GK5: variants seen among roughly 807,000 people sequenced by gnomAD.
The protein encoded by GK5 is glycerol kinase 5.
In GK5, 39 loss-of-function variants were observed where a neutral mutation model predicts 77.3. That is an observed-to-expected ratio of 0.50 (90% CI 0.39 to 0.66). The LOEUF is 0.66. Among genes scored for constraint, GK5 ranks in the 30% least tolerant of loss-of-function variants. GK5 has a pLI of 0.00. For missense variants in GK5, 487 were observed against 633.8 expected (o/e 0.77, Z 2.49); for synonymous variants, 211 against 208.0 (o/e 1.01, Z -0.13).
In GK5 at chr3:142,187,555, T is replaced by C. The variant is rs148883762; in HGVS notation, c.619+149A>G. On this transcript the variant is annotated intron_variant, in intron 6 of 15. Transcript: ENST00000392993. ...AGGAAGCTGAGGCTGCAGTGAGCCA[T>C]GATTACACCATTGCACTCCCGCCTG... 5.1e-5 allele frequency: 32 copies of C among 630,264 alleles called. No homozygotes were observed. The East Asian group carries it at 5.4e-4, about 11-fold the overall frequency. The allele number at this position is 630,264 out of a possible 1,614,324, so 39.0% of individuals were successfully genotyped here. A position where few individuals can be genotyped will look rare whatever the true frequency, so the allele number is the denominator to read the frequency against.
At position 142,215,670 on chromosome 3, in the gene GK5, A is replaced by G. The variant is rs1019668862; in HGVS notation, c.170T>C (p.Ile57Thr). The G allele has an allele frequency of 1.3e-6, 2 of 1,587,206 alleles. No homozygotes were observed. The highest frequency in any genetic ancestry group is 1.3e-5 in the African/African-American group (1 of 74,286). The change falls in exon 2 of 16, where the codon ATT (isoleucine) becomes ACT (threonine). Residue 57 changes from isoleucine to threonine, a missense_variant. Physicochemically the swap from Ile to Thr is moderately conservative, Grantham distance 89 (BLOSUM62 -1). Coordinates refer to ENST00000392993, the MANE Select transcript of GK5 (RefSeq NM_001039547.3). ...VQKVENLYPQIGWVEIDPDVL... is the reference protein window; with the variant it reads ...VQKVENLYPQTGWVEIDPDVL... ...ATCAGGATCAATTTCTACCCAGCCA[A>G]TTTGAGGATAAAGATTTTCTACCTA...
chr3:142,200,276 C>G lies in GK5; in HGVS notation c.412-1343G>C, dbSNP rs1156305489. 2.0e-5 allele frequency among the ~76,000 whole-genome samples: 3 copies of G among 152,144 alleles called. No homozygotes were observed. The East Asian group carries it at 5.8e-4, about 29-fold the overall frequency. On this transcript the variant is annotated intron_variant, in intron 4 of 15. Coordinates refer to ENST00000392993, the MANE Select transcript of GK5 (RefSeq NM_001039547.3). ...CTCTGCCTCCCAGGTTCAAGCAATT[C>G]TCCTCCCTTAGCCTCCAAGTAGCTG...
In GK5 at chr3:142,212,292, G is replaced by T. The variant is rs1560235615; in HGVS notation, c.317+1234C>A. ...ACAGAGAAACACATGCTAGCTGGGG[G>T]AGGTGGCTGAGGTGGAAGAATTGCT... On this transcript the variant is annotated intron_variant, in intron 3 of 15. Coordinates refer to ENST00000392993, the MANE Select transcript of GK5 (RefSeq NM_001039547.3). Among the ~76,000 whole-genome samples, 3 of 152,152 alleles carry T rather than the reference G, an allele frequency of 2.0e-5. No individual in the cohort carries two copies. In the South Asian group the frequency reaches 6.2e-4, roughly 32 times the overall value.
intron 11 of GK5, among the ~76,000 whole-genome samples, chr3:142,179,895 C>T (rs2063669704): frequency 6.6e-6 from 1 of 152,114 alleles, no homozygotes; most frequent in South Asian, 2.1e-4. Context: ...TATTCCTGGC[C>T]TAGACTCAGA....
intron 5 of GK5, among the ~76,000 whole-genome samples, chr3:142,188,721 G>A (rs1232349405): frequency 6.6e-6 from 1 of 152,214 alleles, no homozygotes; most frequent in Non-Finnish European, 1.5e-5. Context: ...GTGTCCATAA[G>A]TAAAGTCTTA....
chr3:142,188,266 T>TCA lies in GK5; in HGVS notation c.544-489_544-488dup, dbSNP rs555277621. 4.7e-3 allele frequency among the ~76,000 whole-genome samples: 716 copies of TCA among 152,136 alleles called. 2 individuals carry two copies. The highest frequency in any genetic ancestry group is 7.9e-3 in the Non-Finnish European group (537 of 67,996). Reference sequence around the variant, plus strand: ...GCAAAAAATGGCCAGGCACGGTGGCTCACACCTGTAATCCCAGCACTTTGG... The same window carrying TCA: ...GCAAAAAATGGCCAGGCACGGTGGCTCACACACCTGTAATCCCAGCACTTTGG... On this transcript the variant is annotated intron_variant, in intron 5 of 15. Transcript: ENST00000392993.
chr3:142,217,429 G>A (rs1012835253), intron 1 of GK5, among the ~76,000 whole-genome samples: 7 of 151,780 alleles, frequency 4.6e-5, no homozygotes, highest in Admixed American at 4.6e-4. Context: ...GGAGATAGAA[G>A]AAAATTAATA....
intron 4 of GK5, among the ~76,000 whole-genome samples, chr3:142,202,330 G>A (rs2064038098): frequency 6.6e-6 from 1 of 152,326 alleles, no homozygotes; most frequent in African/African-American, 2.4e-5. Context: ...GCAAGAGATT[G>A]CAAACACACC....
rs1385473541 is a variant in GK5 at position 142,197,933 on chromosome 3, G to C, written c.543+869C>G. On this transcript the variant is annotated intron_variant, in intron 5 of 15. Coordinates refer to ENST00000392993, the MANE Select transcript of GK5 (RefSeq NM_001039547.3). ...AGCTACTCAGGAGGCTGAGGCAGGA[G>C]AATCGCTTGAACCTGGGAGGCAGAG... Among the ~76,000 whole-genome samples, 4 of 151,670 alleles carry C rather than the reference G, an allele frequency of 2.6e-5. No individual in the cohort carries two copies. The East Asian group carries it at 7.8e-4, about 30-fold the overall frequency.
rs190931845 is a variant in GK5, at chr3:142,198,679, C to T, written c.543+123G>A. 24 of 825,134 alleles carry T rather than the reference C, an allele frequency of 2.9e-5. No homozygotes were observed. The East Asian group carries it at 6.6e-4, about 23-fold the overall frequency. The allele number at this position is 825,134 out of a possible 1,614,324, so 51.1% of individuals were successfully genotyped here. ...GTCTTCCATTCCAATATGTGGTAGA[C>T]ACTTAATTTTCCCTCAAATAATCAA... On this transcript the variant is annotated intron_variant, in intron 5 of 15. Transcript: ENST00000392993.
chr3:142,218,778 CAA>C (rs1056396533), intron 1 of GK5, among the ~76,000 whole-genome samples: 17 of 151,956 alleles, frequency 1.1e-4, no homozygotes, highest in Middle Eastern at 3.2e-3. Flanking sequence ...ATTTGTTCTG[CAA>C]AAGATACTGT....
intron 10 of GK5, among the ~76,000 whole-genome samples, 191 bp downstream of exon 10, chr3:142,182,732 A>G (rs543515510): frequency 2.0e-5 from 3 of 152,324 alleles, no homozygotes; most frequent in Middle Eastern, 3.4e-3. Context: ...ATTTTTCAAC[A>G]ATATCATTCT....
chr3:142,187,181 T>G (rs1394467217), intron 6 of GK5, among the ~76,000 whole-genome samples: 1 of 152,158 alleles, frequency 6.6e-6, no homozygotes, highest in Non-Finnish European at 1.5e-5. Context: ...ATATTGAAGT[T>G]TCATCACAAT....
At position 142,170,328 on chromosome 3, in the gene GK5, C is replaced by G. The variant is rs759519106; in HGVS notation, c.1438G>C (p.Val480Leu). 3.1e-6 allele frequency: 5 copies of G among 1,613,990 alleles called. No individual in the cohort carries two copies. The South Asian group carries it at 3.3e-5, about 11-fold the overall frequency. The change falls in exon 15 of 16, where the codon GTT becomes CTT. Residue 480 changes from valine (V) to leucine (L), a missense_variant. This residue lies in a region of GK5 where 65 missense variants were observed against 89.9 expected (regional missense o/e 0.72). Transcript: ENST00000392993. ...LGAASLAGLA[V>L]GFWTDKEELK... ...TTCTTATAAATTTCACACATACCAA[C>G]AGCAAGGCCAGCTAGAGAAGCTGCA...
chr3:142,183,982 G>C (rs2063730404), intron 9 of GK5, among the ~76,000 whole-genome samples: 1 of 151,914 alleles, frequency 6.6e-6, no homozygotes, highest in African/African-American at 2.4e-5. Flanking sequence ...TAAGAGGCCA[G>C]GCGCGGTGAC....
intron 1 of GK5, among the ~76,000 whole-genome samples, chr3:142,220,161 G>A (rs371127516): frequency 6.6e-6 from 1 of 151,886 alleles, no homozygotes; most frequent in East Asian, 1.9e-4. Context: ...TTTTTGAGAC[G>A]GAGTCTCGCT....
chr3:142,170,300 TCA>T (rs1291866891), intron 15 of GK5, 23 bp downstream of exon 15: 1 of 1,612,128 alleles, frequency 6.2e-7, no homozygotes, highest in South Asian at 1.1e-5. Context: ...AAGAAAACTC[TCA>T]TTCTTATAAA....
In GK5 at chr3:142,162,047, G is replaced by C. The variant is rs2063429471; in HGVS notation, c.*3575C>G. The C allele has an allele frequency of 6.6e-6, 1 of 152,082 alleles. No homozygotes were observed. Among genetic ancestry groups the C allele is most frequent in the African/African-American group, 2.4e-5 (1 of 41,420 alleles). The allele number at this position is 152,082 out of a possible 1,614,324, so 9.4% of individuals were successfully genotyped here. A position where few individuals can be genotyped will look rare whatever the true frequency, so the allele number is the denominator to read the frequency against. ...ACTCCTGAGCTGAAGTGATCCGCCTGCCTTGGCCTCCCAAAGTGCTAGGAT... is the reference window on the plus strand; with the variant it reads ...ACTCCTGAGCTGAAGTGATCCGCCTCCCTTGGCCTCCCAAAGTGCTAGGAT... On this transcript the variant is annotated 3_prime_UTR_variant, in exon 16 of 16. Transcript: ENST00000392993.
intron 5 of GK5, among the ~76,000 whole-genome samples, chr3:142,189,273 T>C (rs1330789126): frequency 1.3e-5 from 2 of 152,176 alleles, no homozygotes; most frequent in Non-Finnish European, 2.9e-5. Flanking sequence ...AATGGAAACA[T>C]TTAAAGATAA....
Sources: allele counts gnomAD v4.1 joint callset (sites outside exome capture counted in the v4.1 genomes callset), GRCh38; gene constraint gnomAD v4.1.1; regional missense constraint gnomAD v4.1.1; transcripts MANE v1.5; gene names NCBI Gene and HGNC (gene_info 2026-07-23, HGNC 2026-07-21).